The following ARHGAP26 variants were observed in gnomAD, a reference collection of about 807,000 sequenced individuals.
ARHGAP26 encodes the protein rho GTPase-activating protein 26.
A neutral mutation model predicts 104.8 loss-of-function variants in ARHGAP26; 38 were observed. That is an observed-to-expected ratio of 0.36 (90% CI 0.28 to 0.48). The LOEUF is 0.48. ARHGAP26 is among the 20% of genes least tolerant of loss of function. The pLI, the probability that ARHGAP26 is intolerant of heterozygous loss-of-function variation, is 0.99. For missense variants in ARHGAP26, 704 were observed against 947.9 expected (o/e 0.74, Z 3.38); for synonymous variants, 341 against 340.0 (o/e 1.00, Z -0.03).
At position 143,225,294 on chromosome 5, in the gene ARHGAP26, TC is replaced by T. The variant is rs1474193378; in HGVS notation, c.*2849del. ...CCTCCACCTCCCAGGTTCAAGTGAT[TC>T]TCCTGTCTCAGCCTCCCAAGTAGCT... On this transcript the variant is annotated 3_prime_UTR_variant, in exon 23 of 23. Coordinates refer to ENST00000645722, the MANE Select transcript of ARHGAP26 (RefSeq NM_001135608.3). The T allele has an allele frequency of 1.1e-5, 2 of 182,280 alleles. No homozygotes were observed. Among genetic ancestry groups the T allele is most frequent in the Non-Finnish European group, 1.2e-5 (1 of 85,722 alleles). The allele number at this position is 182,280 out of a possible 1,614,324, so 11.3% of individuals were successfully genotyped here.
chr5:142,872,136 G>A (rs1055744816), intron 1 of ARHGAP26, among the ~76,000 whole-genome samples: 7 of 143,774 alleles, frequency 4.9e-5, no homozygotes, highest in Admixed American at 2.8e-4. Context: ...CACTCCCACC[G>A]CCCCCCACAT....
intron 19 of ARHGAP26, among the ~76,000 whole-genome samples, chr5:143,136,479 A>T (rs1367513670): frequency 6.6e-6 from 1 of 152,120 alleles, no homozygotes; most frequent in Non-Finnish European, 1.5e-5. Context: ...TTTCTCAGAG[A>T]ATAAACATTT....
At chr5:143,014,221 G>A in intron 12 of ARHGAP26, 105 bp downstream of exon 12, 1 of 1,347,684 alleles carries the variant, frequency 7.4e-7, no homozygotes. Flanking sequence ...GGGCGTGTTG[G>A]GTTGGCTCCA....
rs546618870 is a variant in ARHGAP26 at position 143,111,128 on chromosome 5, A to G, written c.1539-9860A>G. Among the ~76,000 whole-genome samples the G allele has an allele frequency of 8.1e-4, 124 of 152,348 alleles. 1 individual carries two copies. The highest frequency in any genetic ancestry group is 3.0e-3 in the African/African-American group (123 of 41,586). On this transcript the variant is annotated intron_variant, in intron 17 of 22. Coordinates refer to ENST00000645722, the MANE Select transcript of ARHGAP26 (RefSeq NM_001135608.3). Reference sequence around the variant, plus strand: ...AGTTTATTTACCAGTAGAGAAGCTTAGAGATTTTATACTGTTGGTGGACAT... The same window carrying G: ...AGTTTATTTACCAGTAGAGAAGCTTGGAGATTTTATACTGTTGGTGGACAT...
chr5:142,964,993 C>A (rs908475629), intron 11 of ARHGAP26, among the ~76,000 whole-genome samples: 1 of 152,156 alleles, frequency 6.6e-6, no homozygotes, highest in African/African-American at 2.4e-5. Context: ...TGAGTCATCT[C>A]CAATGATAGG....
intron 11 of ARHGAP26, among the ~76,000 whole-genome samples, chr5:142,954,184 ATC>A (rs773807814): frequency 6.6e-6 from 1 of 152,198 alleles, no homozygotes; most frequent in African/African-American, 2.4e-5. Context: ...AGATCTGTTT[ATC>A]TCATTCTTTC....
At chr5:142,800,260 C>T (rs1192238913) in intron 1 of ARHGAP26, among the ~76,000 whole-genome samples, 1 of 152,134 alleles carries the variant, frequency 6.6e-6, no homozygotes, top group Non-Finnish European at 1.5e-5. Context: ...TTATTCGCTT[C>T]TGTTCTTTAG....
At chr5:143,133,835 C>A in intron 18 of ARHGAP26, 132 bp from the exon 19 acceptor site, 1 of 808,870 alleles carries the variant, frequency 1.2e-6, no homozygotes, top group Non-Finnish European at 1.8e-6. Flanking sequence ...TCTTGAACAA[C>A]TGCCAGTGGT....
intron 17 of ARHGAP26, among the ~76,000 whole-genome samples, chr5:143,092,844 G>A (rs1791659957): frequency 6.6e-6 from 1 of 152,098 alleles, no homozygotes; most frequent in Non-Finnish European, 1.5e-5. Flanking sequence ...CAGCTCCCAC[G>A]TCTGAGCAGA....
At chr5:142,814,385 C>T (rs958617784) in intron 1 of ARHGAP26, among the ~76,000 whole-genome samples, 6 of 152,242 alleles carry the variant, frequency 3.9e-5, no homozygotes, top group Admixed American at 2.0e-4. Context: ...CATCGGTTTC[C>T]AATTCCTGTT....
chr5:143,114,359 A>G (rs1795154622), intron 17 of ARHGAP26, among the ~76,000 whole-genome samples: 1 of 152,176 alleles, frequency 6.6e-6, no homozygotes, highest in South Asian at 2.1e-4. Context: ...CACCGAGTCC[A>G]GGTAGTATTC....
In ARHGAP26 at chr5:142,858,092, T is replaced by TGA. The variant is rs1561963187; in HGVS notation, c.155-15307_155-15306insAG. Among the ~76,000 whole-genome samples, 43 of 137,590 alleles carry TGA rather than the reference T, an allele frequency of 3.1e-4. No individual in the cohort carries two copies. The East Asian group carries it at 8.1e-3, about 26-fold the overall frequency. The allele number at this position is 137,590 out of a possible 152,430, so 90.3% of individuals were successfully genotyped here. A position where few individuals can be genotyped will look rare whatever the true frequency, so the allele number is the denominator to read the frequency against. ...GTGTGTGTGTGTGTGTGTGTGTGTG[T>TGA]GTGAGAGAGAGAGAGAGAGGGAGTG... On this transcript the variant is annotated intron_variant, in intron 1 of 22. Coordinates refer to ENST00000645722, the MANE Select transcript of ARHGAP26 (RefSeq NM_001135608.3).
At chr5:143,138,579 G>A (rs966176386) in intron 19 of ARHGAP26, among the ~76,000 whole-genome samples, 4 of 152,214 alleles carry the variant, frequency 2.6e-5, no homozygotes, top group Non-Finnish European at 4.4e-5. Flanking sequence ...AGGAACGGTG[G>A]TCTGTGATGG....
intron 11 of ARHGAP26, among the ~76,000 whole-genome samples, chr5:142,970,827 G>A (rs1179415582): frequency 1.3e-5 from 2 of 152,218 alleles, no homozygotes; most frequent in Non-Finnish European, 2.9e-5. Flanking sequence ...ACAAGGAAGA[G>A]GATGTGACGG....
At chr5:143,093,139 C>A (rs576577062) in intron 17 of ARHGAP26, among the ~76,000 whole-genome samples, 1 of 149,534 alleles carries the variant, frequency 6.7e-6, no homozygotes, top group East Asian at 2.1e-4. Flanking sequence ...CACTAAGCTA[C>A]CTTTTTGCTT....
chr5:143,210,849 C>A (rs258816), intron 21 of ARHGAP26, among the ~76,000 whole-genome samples: 57,620 of 152,024 alleles, frequency 0.38, 11,092 homozygotes, highest in East Asian at 0.53. Flanking sequence ...AGGAGGATCC[C>A]AACTTGTTCA....
intron 20 of ARHGAP26, among the ~76,000 whole-genome samples, chr5:143,187,994 C>T (rs1221204220): frequency 6.6e-6 from 1 of 152,222 alleles, no homozygotes; most frequent in East Asian, 1.9e-4. Context: ...TCACAGGACA[C>T]TTTCGCAAAC....
intron 17 of ARHGAP26, among the ~76,000 whole-genome samples, chr5:143,077,524 A>G (rs1267656080): frequency 6.6e-6 from 1 of 152,054 alleles, no homozygotes; most frequent in Non-Finnish European, 1.5e-5. Flanking sequence ...AAGCCTCCCT[A>G]AAAAGGGCTC....
intron 17 of ARHGAP26, among the ~76,000 whole-genome samples, chr5:143,118,884 A>T (rs1283199608): frequency 6.6e-6 from 1 of 152,108 alleles, no homozygotes; most frequent in East Asian, 1.9e-4. Context: ...GCACATGTAT[A>T]CATATGTAAC....
Sources: gnomAD v4.1 joint callset for allele counts (sites outside exome capture counted in the v4.1 genomes callset) on GRCh38, gnomAD v4.1.1 for gene constraint, MANE v1.5 for transcripts, NCBI Gene and HGNC (gene_info 2026-07-23, HGNC 2026-07-21) for gene names.